Variants in SORCS3 observed in about 807,000 individuals in gnomAD.
SORCS3 encodes the protein VPS10 domain-containing receptor SorCS3.
SORCS3 carries 57 observed loss-of-function variants against 146.3 expected under a neutral mutation model. The ratio of observed to expected loss-of-function variants is 0.39; its 90% confidence interval spans 0.31 to 0.49. The LOEUF (loss-of-function observed/expected upper bound fraction) is 0.49. Ranked by LOEUF, SORCS3 falls within the 20% of genes least tolerant of loss-of-function variation. The pLI, the probability that SORCS3 is intolerant of heterozygous loss-of-function variation, is 0.92. For synonymous variants in SORCS3, 653 were observed against 618.5 expected (o/e 1.06, Z -0.83); for missense variants, 1,341 against 1,575.5 (o/e 0.85, Z 2.52).
intron 19 of SORCS3, among the ~76,000 whole-genome samples, chr10:105,217,381 C>G (rs970766182): frequency 1.4e-4 from 21 of 152,146 alleles, no homozygotes; most frequent in Admixed American, 1.3e-3. Context: ...TAAATGTGTG[C>G]GTGCACACAC....
intron 7 of SORCS3, among the ~76,000 whole-genome samples, chr10:105,106,646 C>G (rs2055823803): frequency 6.6e-6 from 1 of 152,278 alleles, no homozygotes; most frequent in East Asian, 1.9e-4. Flanking sequence ...GCAGTTACTT[C>G]TATCTATAAC....
intron 16 of SORCS3, among the ~76,000 whole-genome samples, chr10:105,210,776 C>T (rs1315212131): frequency 1.3e-5 from 2 of 152,082 alleles, no homozygotes; most frequent in African/African-American, 4.8e-5. Context: ...TCTTTGTTGT[C>T]ATGTACTTAT....
chr10:104,865,577 C>G (rs182152363), intron 2 of SORCS3, among the ~76,000 whole-genome samples: 1 of 152,112 alleles, frequency 6.6e-6, no homozygotes, highest in Non-Finnish European at 1.5e-5. Flanking sequence ...TCAAAAGATC[C>G]CAAGAGTCCA....
intron 6 of SORCS3, among the ~76,000 whole-genome samples, chr10:105,093,001 A>G (rs1023672013): frequency 6.6e-6 from 1 of 152,206 alleles, no homozygotes; most frequent in African/African-American, 2.4e-5. Flanking sequence ...ATGAAATACA[A>G]TTCATATAGA....
In SORCS3 at chr10:104,925,092, A is replaced by T. The variant is rs965787455; in HGVS notation, c.795+9160A>T. 2.6e-5 allele frequency among the ~76,000 whole-genome samples: 4 copies of T among 151,984 alleles called. 1 individual carries two copies. Among genetic ancestry groups the T allele is most frequent in the Non-Finnish European group, 5.9e-5 (4 of 68,014 alleles). ...TTCCCCTGACAGGCCCCAGTGTGTGATGTTCCCCTCCCTGTGTTCATGTGT... is the reference window on the plus strand; with the variant it reads ...TTCCCCTGACAGGCCCCAGTGTGTGTTGTTCCCCTCCCTGTGTTCATGTGT... On this transcript the variant is annotated intron_variant, in intron 3 of 26. Coordinates refer to ENST00000369701, the MANE Select transcript of SORCS3 (RefSeq NM_014978.3).
intron 7 of SORCS3, among the ~76,000 whole-genome samples, chr10:105,109,658 A>G (rs2055846236): frequency 6.6e-6 from 1 of 152,070 alleles, no homozygotes. Context: ...ATAATTTGTT[A>G]CTATTCAGAC....
At chr10:104,762,419 T>C (rs2017131587) in intron 1 of SORCS3, among the ~76,000 whole-genome samples, 1 of 152,230 alleles carries the variant, frequency 6.6e-6, no homozygotes, top group Non-Finnish European at 1.5e-5. Context: ...TCTCCAACGA[T>C]GCCAGCTGGC....
intron 4 of SORCS3, among the ~76,000 whole-genome samples, chr10:104,980,864 A>G (rs1230379843): frequency 2.0e-5 from 3 of 152,218 alleles, no homozygotes; most frequent in Non-Finnish European, 4.4e-5. Flanking sequence ...GAATTAAAGA[A>G]ATACCTTGTG....
chr10:105,097,447 C>T (rs1336475129), intron 6 of SORCS3, among the ~76,000 whole-genome samples: 1 of 152,134 alleles, frequency 6.6e-6, no homozygotes, highest in Non-Finnish European at 1.5e-5. Flanking sequence ...CACAGTTACT[C>T]AGTCACAGAC....
chr10:104,656,007 A>G (rs932579104), intron 1 of SORCS3, among the ~76,000 whole-genome samples: 3 of 152,132 alleles, frequency 2.0e-5, no homozygotes, highest in African/African-American at 7.2e-5. Context: ...TATTCAATAC[A>G]TATTTGTGGA....
intron 8 of SORCS3, 65 bp downstream of exon 8, chr10:105,139,551 T>G: frequency 7.9e-7 from 1 of 1,267,212 alleles, no homozygotes; most frequent in Non-Finnish European, 1.1e-6. Flanking sequence ...AGAGGCTGCT[T>G]TGTTGGGCTA....
intron 3 of SORCS3, among the ~76,000 whole-genome samples, chr10:104,971,490 G>A (rs2054860118): frequency 6.6e-6 from 1 of 152,186 alleles, no homozygotes; most frequent in African/African-American, 2.4e-5. Flanking sequence ...TGGTGGAAAC[G>A]CTCATGGAGC....
intron 7 of SORCS3, among the ~76,000 whole-genome samples, chr10:105,118,681 C>T (rs996485816): frequency 7.2e-5 from 11 of 151,986 alleles, no homozygotes; most frequent in Admixed American, 4.6e-4. Context: ...AGGTGGTGTC[C>T]GATGGAGATG....
intron 1 of SORCS3, among the ~76,000 whole-genome samples, chr10:104,691,616 A>G (rs1260091004): frequency 6.6e-6 from 1 of 152,220 alleles, no homozygotes; most frequent in Non-Finnish European, 1.5e-5. Flanking sequence ...CAAGACATGG[A>G]GCAGATGCTA....
intron 1 of SORCS3, among the ~76,000 whole-genome samples, chr10:104,672,291 G>A (rs1193574933): frequency 6.6e-6 from 1 of 151,800 alleles, no homozygotes; most frequent in East Asian, 1.9e-4. Flanking sequence ...AGTCCTTTTT[G>A]TTTCTGTAGA....
chr10:104,927,344 A>G (rs2019158706), intron 3 of SORCS3, among the ~76,000 whole-genome samples: 1 of 152,196 alleles, frequency 6.6e-6, no homozygotes, highest in Non-Finnish European at 1.5e-5. Context: ...GCCTCTGAGA[A>G]GGGATTCCAT....
chr10:104,713,118 AGT>A (rs991400012), intron 1 of SORCS3, among the ~76,000 whole-genome samples: 2 of 45,926 alleles, frequency 4.4e-5, no homozygotes, highest in Non-Finnish European at 9.5e-5. Context: ...GCCTTTCTCA[AGT>A]GTGTGTGCGT....
intron 5 of SORCS3, among the ~76,000 whole-genome samples, chr10:105,076,286 G>A (rs992293985): frequency 6.6e-6 from 1 of 152,146 alleles, no homozygotes; most frequent in Non-Finnish European, 1.5e-5. Context: ...TAGAAGAGAC[G>A]AACTTTTGTC....
chr10:104,875,617 T>C (rs974254952), intron 2 of SORCS3, among the ~76,000 whole-genome samples: 3 of 152,122 alleles, frequency 2.0e-5, no homozygotes, highest in Non-Finnish European at 4.4e-5. Flanking sequence ...AATGTCAGCA[T>C]TGAAATGTTG....
Sources: gnomAD v4.1 joint callset for allele counts (sites outside exome capture counted in the v4.1 genomes callset) on GRCh38, gnomAD v4.1.1 for gene constraint, MANE v1.5 for transcripts, NCBI Gene and HGNC (gene_info 2026-07-23, HGNC 2026-07-21) for gene names.